The following CDC42BPA variants were observed in gnomAD, a reference collection of about 807,000 sequenced individuals.
CDC42BPA encodes serine/threonine-protein kinase MRCK alpha.
A neutral mutation model predicts 223.5 loss-of-function variants in CDC42BPA; 80 were observed. The ratio of observed to expected loss-of-function variants is 0.36; its 90% CI spans 0.30 to 0.43. CDC42BPA has a LOEUF of 0.43. Among genes scored for constraint, CDC42BPA ranks in the 20% least tolerant of loss-of-function variants. The pLI is 1.00. For synonymous variants in CDC42BPA, 694 were observed against 718.6 expected (o/e 0.97, Z 0.55); for missense variants, 1,743 against 2,099.9 (o/e 0.83, Z 3.32).
chr1:227,060,716 A>AGTTTTTTTTTTTTTTTTTTTTTTTTTTT (rs1373925166), intron 21 of CDC42BPA, among the ~76,000 whole-genome samples: 2 of 126,526 alleles, frequency 1.6e-5, no homozygotes, highest in African/African-American at 3.0e-5. Flanking sequence ...GTAAATAGGT[A>AGTTTTTTTTTTTTTTTTTTTTTTTTTTT]CTTTTTTTTT....
intron 1 of CDC42BPA, among the ~76,000 whole-genome samples, chr1:227,314,302 A>C (rs1694015050): frequency 6.6e-6 from 1 of 152,116 alleles, no homozygotes; most frequent in South Asian, 2.1e-4. Context: ...AATGAAAAAT[A>C]ATACATCTTA....
At position 227,026,042 on chromosome 1, in the gene CDC42BPA, A is replaced by T; in HGVS notation, c.4530+13T>A. On this transcript the variant is annotated intron_variant, in intron 31 of 36. Coordinates refer to ENST00000366766, the MANE Select transcript of CDC42BPA (RefSeq NM_001394014.1). ...ACTCAGTTGGCTTAGCCCACATTTT[A>T]ATGTTAAATTACCTTTTTGAGAGGA... 1 of 1,449,540 alleles carries T rather than the reference A, an allele frequency of 6.9e-7. No individual in the cohort carries two copies. 89.8% of individuals were successfully genotyped at this position (1,449,540 alleles called of 1,614,324 possible). A position where few individuals can be genotyped will look rare whatever the true frequency, so the allele number is the denominator to read the frequency against.
intron 5 of CDC42BPA, among the ~76,000 whole-genome samples, chr1:227,164,457 C>CTA (rs1349036928): frequency 2.6e-5 from 4 of 152,158 alleles, no homozygotes; most frequent in Non-Finnish European, 4.4e-5. Context: ...CCACAGAGAA[C>CTA]TTACATATCT....
chr1:227,082,781 T>C (rs1680990891), intron 16 of CDC42BPA, among the ~76,000 whole-genome samples: 2 of 151,958 alleles, frequency 1.3e-5, no homozygotes, highest in Admixed American at 1.3e-4. Context: ...TTCTGAATTT[T>C]TGCCTTCATT....
rs1670209419 is a variant in CDC42BPA, at chr1:227,193,864, G to C, written c.521C>G (p.Pro174Arg). ...TLLSKFEDRL[P>R]EDMARFYLAE... The stretch of plus-strand genomic sequence containing the variant: ...CAAGTAAAATCTAGCCATATCTTCA[G>C]GCAATCTATCTTCAAATTTGCTGAG... The change falls in exon 5 of 37, where the codon CCT becomes CGT. Residue 174 changes from proline (P) to arginine (R), a missense_variant. Coordinates refer to ENST00000366766, the MANE Select transcript of CDC42BPA (RefSeq NM_001394014.1). 1 of 1,612,948 alleles carries C rather than the reference G, an allele frequency of 6.2e-7. No individual in the cohort carries two copies.
intron 34 of CDC42BPA, among the ~76,000 whole-genome samples, chr1:227,008,347 A>C (rs6670924): frequency 0.38 from 57,334 of 152,086 alleles, 11,481 homozygotes; most frequent in Non-Finnish European, 0.46. Context: ...AACACTTAAA[A>C]GATGACTATC....
chr1:227,257,779 T>TA (rs761597584), intron 1 of CDC42BPA, among the ~76,000 whole-genome samples: 32 of 150,176 alleles, frequency 2.1e-4, no homozygotes, highest in Non-Finnish European at 2.9e-5. Flanking sequence ...AAAACTTTTT[T>TA]AAAAATCACA....
At chr1:227,184,019 T>A (rs1405488689) in intron 5 of CDC42BPA, among the ~76,000 whole-genome samples, 1 of 152,204 alleles carries the variant, frequency 6.6e-6, no homozygotes, top group Non-Finnish European at 1.5e-5. Context: ...ATGTCTATTG[T>A]CTTTTCCCTA....
intron 1 of CDC42BPA, among the ~76,000 whole-genome samples, chr1:227,304,664 G>A (rs1167180596): frequency 6.6e-6 from 1 of 152,092 alleles, no homozygotes; most frequent in Non-Finnish European, 1.5e-5. Context: ...TCTCCTATGG[G>A]GTGCAGTGAA....
chr1:227,186,787 CAT>C (rs1162850618), intron 5 of CDC42BPA, among the ~76,000 whole-genome samples: 1 of 152,144 alleles, frequency 6.6e-6, no homozygotes, highest in Non-Finnish European at 1.5e-5. Context: ...CCCAGAGAGA[CAT>C]GAATATGGGA....
chr1:227,011,007 G>A, intron 34 of CDC42BPA: 1 of 1,360,754 alleles, frequency 7.3e-7, no homozygotes, highest in Non-Finnish European at 9.8e-7. Flanking sequence ...GTTCAAAGTT[G>A]ATCGGAGAGG....
chr1:227,175,872 G>A (rs751823351), intron 5 of CDC42BPA, among the ~76,000 whole-genome samples: 3 of 152,150 alleles, frequency 2.0e-5, no homozygotes, highest in African/African-American at 4.8e-5. Context: ...ATGTGAGGAC[G>A]ATAATCTGTC....
rs569044044 is a variant in CDC42BPA, at chr1:227,250,881, G to T, written c.270+3183C>A. Among the ~76,000 whole-genome samples the T allele has an allele frequency of 2.0e-4, 31 of 151,896 alleles. 1 individual carries two copies. In the South Asian group the frequency reaches 6.0e-3, roughly 30 times the overall value. ...AGCCTAGGCAACGTAGGAAAACCCC[G>T]TCACTACAAGAAAATTTACAAATTA... On this transcript the variant is annotated intron_variant, in intron 2 of 36. Coordinates refer to ENST00000366766, the MANE Select transcript of CDC42BPA (RefSeq NM_001394014.1).
chr1:227,007,402 A>T (rs1444622410), intron 34 of CDC42BPA, among the ~76,000 whole-genome samples: 1 of 152,096 alleles, frequency 6.6e-6, no homozygotes, highest in Non-Finnish European at 1.5e-5. Context: ...TTTTTTTCTG[A>T]TTATAAAGGT....
At chr1:227,044,105 T>TG (rs35804429) in intron 23 of CDC42BPA, among the ~76,000 whole-genome samples, 16,280 of 152,260 alleles carry the variant, frequency 0.11, 1,198 homozygotes, top group South Asian at 0.21. Context: ...TTAATGAAGT[T>TG]GGACATTTCT....
intron 2 of CDC42BPA, among the ~76,000 whole-genome samples, chr1:227,239,712 A>T (rs10799410): frequency 0.2 from 30,288 of 152,122 alleles, 3,131 homozygotes; most frequent in East Asian, 0.26. Context: ...ATCAATAACT[A>T]TATTTTTTAA....
intron 3 of CDC42BPA, among the ~76,000 whole-genome samples, chr1:227,208,275 G>A (rs1372934525): frequency 1.3e-5 from 2 of 150,718 alleles, no homozygotes; most frequent in African/African-American, 4.9e-5. Flanking sequence ...CTTTGAGTAG[G>A]TTGCAAAAAT....
rs112649644 is a variant in CDC42BPA at position 227,272,422 on chromosome 1, G to T, written c.179-18267C>A. ...ATAAAAGATAGTTTTATTATGTACTGAAGTTTTATTTTTAAAAATACTCTA... is the reference window on the plus strand; with the variant it reads ...ATAAAAGATAGTTTTATTATGTACTTAAGTTTTATTTTTAAAAATACTCTA... On this transcript the variant is annotated intron_variant, in intron 1 of 36. Coordinates refer to ENST00000366766, the MANE Select transcript of CDC42BPA (RefSeq NM_001394014.1). 7.0e-4 allele frequency among the ~76,000 whole-genome samples: 107 copies of T among 152,148 alleles called. 1 individual carries two copies. Among genetic ancestry groups the T allele is most frequent in the African/African-American group, 2.3e-3 (94 of 41,522 alleles).
At chr1:227,056,519 C>T (rs542391148) in intron 21 of CDC42BPA, among the ~76,000 whole-genome samples, 3 of 152,068 alleles carry the variant, frequency 2.0e-5, no homozygotes, top group African/African-American at 7.2e-5. Context: ...TCTAGAGTAG[C>T]TGTGAACACA....
Sources: gnomAD v4.1 joint callset for allele counts (sites outside exome capture counted in the v4.1 genomes callset) on GRCh38, gnomAD v4.1.1 for gene constraint, MANE v1.5 for transcripts, NCBI Gene and HGNC (gene_info 2026-07-23, HGNC 2026-07-21) for gene names.